MAPRE2: variants seen among roughly 807,000 people sequenced by gnomAD.
The protein encoded by MAPRE2 is microtubule associated protein RP/EB family member 2.
A neutral mutation model predicts 43.2 loss-of-function variants in MAPRE2; 13 were observed. The observed-to-expected ratio is 0.30, with a 90% CI of 0.20 to 0.48. The LOEUF (loss-of-function observed/expected upper bound fraction) is 0.48. Among genes scored for constraint, MAPRE2 ranks in the 20% least tolerant of loss-of-function variants. The probability of loss-of-function intolerance (pLI) is 0.99; values close to 1 mark genes in which losing one functional copy is unlikely to be tolerated. For missense variants in MAPRE2, 161 were observed against 400.2 expected, an observed-to-expected ratio of 0.40 and a Z score of 5.10; for synonymous variants, 135 against 148.8, an observed-to-expected ratio of 0.91 and a Z score of 0.68.
At position 35,041,423 on chromosome 18, in the gene MAPRE2, T is replaced by C. The variant is rs1411112457; in HGVS notation, c.-117T>C. On this transcript the variant is annotated 5_prime_UTR_variant, in exon 1 of 7. Transcript: ENST00000300249. ...GCGAGCGAGAGCTGGGAGAAGGCAG[T>C]GAGCGAGCAGGCGGCAGGCACGGTC... is the stretch of plus-strand genomic sequence containing the variant. 9 of 1,567,318 alleles carry C rather than the reference T, an allele frequency of 5.7e-6. No homozygotes were observed. The highest frequency in any genetic ancestry group is 1.8e-5 in the Admixed American group (1 of 55,242).
Position 35,027,554 on chromosome 18 carries a change from A to T in MAPRE2, c.-8+22001A>T, listed in dbSNP as rs527317463. ...TCAGTCACCTTCCAACCATAGCTAC[A>T]TGAGAGACCATGGGTGACAACCACC... On this transcript the variant is annotated intron_variant, in intron 2 of 7. Coordinates refer to the MAPRE2 transcript ENST00000413393. Among the ~76,000 whole-genome samples, 14 of 152,284 alleles carry T rather than the reference A, an allele frequency of 9.2e-5. No homozygotes were observed. In the East Asian group the frequency reaches 2.7e-3, roughly 29 times the overall value.
intron 2 of MAPRE2, among the ~76,000 whole-genome samples, chr18:35,008,244 G>A (rs543759525): frequency 6.6e-6 from 1 of 152,092 alleles, no homozygotes; most frequent in South Asian, 2.1e-4. Context: ...TCATTAGTAG[G>A]CAATTTAATT....
At chr18:35,017,244 G>GTTTTTTTTTTTTTTTTTTTTTTTTT (rs140257488) in intron 2 of MAPRE2, among the ~76,000 whole-genome samples, 2 of 126,280 alleles carry the variant, frequency 1.6e-5, no homozygotes, top group African/African-American at 6.3e-5. Flanking sequence ...CGGTTTTGTT[G>GTTTTTTTTTTTTTTTTTTTTTTTTT]TTTTTTTTTT....
At chr18:35,006,689 G>C (rs1334289207) in intron 2 of MAPRE2, among the ~76,000 whole-genome samples, 1 of 152,208 alleles carries the variant, frequency 6.6e-6, no homozygotes, top group African/African-American at 2.4e-5. Flanking sequence ...TTCTCCTGTT[G>C]CTCTAGTGAA....
upstream of MAPRE2, among the ~76,000 whole-genome samples, chr18:35,040,289 C>T (rs550501730): frequency 7.2e-5 from 11 of 152,302 alleles, no homozygotes; most frequent in Middle Eastern, 3.4e-3. Context: ...TAATCTAATC[C>T]GTAGACTGCA....
intron 1 of MAPRE2, among the ~76,000 whole-genome samples, chr18:34,992,623 G>A (rs1228451719): frequency 6.6e-6 from 1 of 152,048 alleles, no homozygotes; most frequent in Non-Finnish European, 1.5e-5. Context: ...AAATAGAGTG[G>A]GAACTATATT....
chr18:35,076,192 T>C (rs987203386), intron 2 of MAPRE2, among the ~76,000 whole-genome samples: 2 of 152,224 alleles, frequency 1.3e-5, no homozygotes, highest in Non-Finnish European at 2.9e-5. Flanking sequence ...TTTTATTTAA[T>C]AGGCATATTT....
At chr18:35,076,718 G>C (rs1056356821) in intron 2 of MAPRE2, among the ~76,000 whole-genome samples, 4 of 152,194 alleles carry the variant, frequency 2.6e-5, no homozygotes, top group African/African-American at 9.7e-5. Flanking sequence ...CTCATCACAT[G>C]AGTATGTGAG....
chr18:35,042,973 T>A (rs1905442235), intron 1 of MAPRE2, among the ~76,000 whole-genome samples: 1 of 152,162 alleles, frequency 6.6e-6, no homozygotes, highest in African/African-American at 2.4e-5. Context: ...CTCTGGCAGT[T>A]ACATAAATAC....
chr18:35,102,258 A>C, intron 4 of MAPRE2, 99 bp downstream of exon 4: 1 of 865,128 alleles, frequency 1.2e-6, no homozygotes, highest in South Asian at 2.0e-5. Context: ...TCTTCTCAAC[A>C]GTCAATATTT....
chr18:34,986,205 G>T (rs2097020912), intron 1 of MAPRE2, among the ~76,000 whole-genome samples: 1 of 152,122 alleles, frequency 6.6e-6, no homozygotes, highest in African/African-American at 2.4e-5. Context: ...GAGAGGATTA[G>T]CTTGCTCCTT....
At chr18:35,048,057 G>C (rs1905725763) in intron 1 of MAPRE2, among the ~76,000 whole-genome samples, 1 of 152,210 alleles carries the variant, frequency 6.6e-6, no homozygotes, top group Admixed American at 6.5e-5. Flanking sequence ...TTGGCTTACA[G>C]TTCTGCAGGC....
intron 1 of MAPRE2, among the ~76,000 whole-genome samples, chr18:34,996,268 TG>T (rs758205754): frequency 1.3e-5 from 2 of 152,060 alleles, no homozygotes; most frequent in East Asian, 3.9e-4. Context: ...TTCCATAGAC[TG>T]GGGGTAGGGT....
intron 2 of MAPRE2, among the ~76,000 whole-genome samples, chr18:35,022,992 C>A (rs970429175): frequency 6.6e-6 from 1 of 152,050 alleles, no homozygotes; most frequent in African/African-American, 2.4e-5. Flanking sequence ...CTATAAATTT[C>A]TTTTATAATA....
intron 4 of MAPRE2, among the ~76,000 whole-genome samples, chr18:35,112,550 C>T (rs1040443931): frequency 3.9e-5 from 6 of 152,158 alleles, no homozygotes; most frequent in South Asian, 2.1e-4. Context: ...GAAACTATCC[C>T]GTTGCTAAGC....
chr18:35,101,024 A>G lies in MAPRE2; in HGVS notation c.397-922A>G, dbSNP rs77678578. On this transcript the variant is annotated intron_variant, in intron 3 of 6. Transcript: ENST00000300249. The stretch of plus-strand genomic sequence containing the variant: ...ATTGCACTCCATCCTGGGCGACAAG[A>G]GTGAAACTCCGTCTCAAAATAAATA... Among the ~76,000 whole-genome samples the G allele has an allele frequency of 7.2e-4, 109 of 152,362 alleles. 2 individuals are homozygous for G. In the East Asian group the frequency reaches 0.019, roughly 27 times the overall value.
At chr18:35,004,266 T>C (rs1278670445) in intron 1 of MAPRE2, among the ~76,000 whole-genome samples, 1 of 152,240 alleles carries the variant, frequency 6.6e-6, no homozygotes, top group Non-Finnish European at 1.5e-5. Context: ...AATCACATCA[T>C]GTTGGATCTA....
In MAPRE2 at chr18:35,126,644, T is replaced by C. The variant is rs567749352; in HGVS notation, c.611-304T>C. On this transcript the variant is annotated intron_variant, in intron 4 of 6. Coordinates refer to ENST00000300249, the MANE Select transcript of MAPRE2 (RefSeq NM_014268.4). Reference sequence around the variant, plus strand: ...CTAAAAACCTTTCCTCTTAAAAATCTTAAAATCCCTTTGTTCTCTTACTCT... The same window carrying C: ...CTAAAAACCTTTCCTCTTAAAAATCCTAAAATCCCTTTGTTCTCTTACTCT... Among the ~76,000 whole-genome samples the C allele has an allele frequency of 5.9e-5, 9 of 152,334 alleles. No individual in the cohort carries two copies. In the East Asian group the frequency reaches 1.4e-3, roughly 23 times the overall value.
At chr18:35,133,817 C>G (rs1352410775) in intron 6 of MAPRE2, among the ~76,000 whole-genome samples, 1 of 152,156 alleles carries the variant, frequency 6.6e-6, no homozygotes. Flanking sequence ...GGCAAGAGCC[C>G]TTGCCTCCTG....
Sources: allele counts gnomAD v4.1 joint callset (sites outside exome capture counted in the v4.1 genomes callset), GRCh38; gene constraint gnomAD v4.1.1; transcripts MANE v1.5; gene names NCBI Gene and HGNC (gene_info 2026-07-23, HGNC 2026-07-21).